Variants in RASA2 observed in about 807,000 individuals in gnomAD.
The protein encoded by RASA2 is RAS p21 protein activator 2.
In RASA2, 155 loss-of-function variants were observed where a neutral mutation model predicts 118.2. The observed-to-expected ratio is 1.31, with a 90% CI of 1.15 to 1.50. The LOEUF (loss-of-function observed/expected upper bound fraction) is 1.50. RASA2 is among the 40% of genes most tolerant of loss of function. RASA2 has a pLI of 0.00. For missense variants in RASA2, 1,016 were observed against 1,009.6 expected (o/e 1.01, Z -0.09); for synonymous variants, 353 against 349.1 (o/e 1.01, Z -0.12).
At chr3:141,608,725 G>T (rs779565959) in intron 21 of RASA2, 28 bp downstream of exon 21, 1 of 1,586,236 alleles carries the variant, frequency 6.3e-7, no homozygotes, top group Non-Finnish European at 8.7e-7. Flanking sequence ...TATAAAAGCA[G>T]TGTGTCAAAA....
At chr3:141,605,574 A>G (rs898585789) in intron 19 of RASA2, among the ~76,000 whole-genome samples, 1 of 152,224 alleles carries the variant, frequency 6.6e-6, no homozygotes, top group Non-Finnish European at 1.5e-5. Flanking sequence ...CAACAAATCT[A>G]AAGATAGAAA....
intron 4 of RASA2, among the ~76,000 whole-genome samples, chr3:141,535,102 A>G (rs2082309029): frequency 6.6e-6 from 1 of 152,182 alleles, no homozygotes; most frequent in Non-Finnish European, 1.5e-5. Flanking sequence ...AAGCAAATCT[A>G]TCTGCCTCAT....
At chr3:141,525,362 A>G (rs1029664650) in intron 3 of RASA2, 1 of 151,542 alleles carries the variant, frequency 6.6e-6, no homozygotes, top group African/African-American at 2.4e-5. Context: ...CCCAGGCTGG[A>G]CTTGAACTCC....
intron 9 of RASA2, among the ~76,000 whole-genome samples, chr3:141,561,512 A>G (rs2082729584): frequency 1.3e-5 from 2 of 152,262 alleles, no homozygotes. Context: ...AAATAGGAAC[A>G]TCTGGTAATT....
chr3:141,545,257 A>G (rs1456540357), intron 5 of RASA2, among the ~76,000 whole-genome samples: 1 of 152,116 alleles, frequency 6.6e-6, no homozygotes, highest in Non-Finnish European at 1.5e-5. Context: ...CCATTCTCAC[A>G]TTGCTATAAA....
chr3:141,584,198 G>A (rs1384086590), intron 17 of RASA2, among the ~76,000 whole-genome samples: 1 of 151,892 alleles, frequency 6.6e-6, no homozygotes, highest in Non-Finnish European at 1.5e-5. Context: ...GGGCATGGTG[G>A]CAGGCGCCGG....
Position 141,565,817 on chromosome 3 carries a change from C to T in RASA2, c.864-5095C>T, listed in dbSNP as rs59162381. Among the ~76,000 whole-genome samples, 1,455 of 152,324 alleles carry T rather than the reference C, an allele frequency of 9.6e-3. 18 individuals carry two copies. Among genetic ancestry groups the T allele is most frequent in the African/African-American group, 0.033 (1,378 of 41,564 alleles). ...CTTCTGAGTCACCTTTGCTAACAGG[C>T]TTGTTTCTAATTATTTCATTGACCA... On this transcript the variant is annotated intron_variant, in intron 9 of 23. Coordinates refer to ENST00000286364, the MANE Select transcript of RASA2 (RefSeq NM_006506.5).
intron 19 of RASA2, 46 bp downstream of exon 19, chr3:141,586,798 T>G: frequency 6.7e-7 from 1 of 1,482,448 alleles, no homozygotes; most frequent in Non-Finnish European, 9.4e-7. Context: ...TGGTTCTCAG[T>G]GAAGGTTTCT....
chr3:141,575,847 T>G (rs1351575656), intron 14 of RASA2, among the ~76,000 whole-genome samples: 1 of 152,134 alleles, frequency 6.6e-6, no homozygotes, highest in African/African-American at 2.4e-5. Flanking sequence ...CAGACTGGAG[T>G]GCAATGGCAC....
intron 3 of RASA2, among the ~76,000 whole-genome samples, chr3:141,526,806 C>T (rs2082191590): frequency 6.6e-6 from 1 of 152,156 alleles, no homozygotes; most frequent in Non-Finnish European, 1.5e-5. Flanking sequence ...TGCAGCTAGT[C>T]AGAGAAGGGT....
At chr3:141,536,235 A>C (rs981300771) in intron 4 of RASA2, among the ~76,000 whole-genome samples, 1 of 152,202 alleles carries the variant, frequency 6.6e-6, no homozygotes, top group African/African-American at 2.4e-5. Flanking sequence ...CACTTCTTAC[A>C]TGGCAGTGGC....
chr3:141,605,527 A>G (rs2083533941), intron 19 of RASA2, among the ~76,000 whole-genome samples: 1 of 152,202 alleles, frequency 6.6e-6, no homozygotes, highest in South Asian at 2.1e-4. Context: ...ATGAATAAAT[A>G]TAGCAATTTT....
rs577666544 is a variant in RASA2 at position 141,492,789 on chromosome 3, G to A, written c.133+5573G>A. ...TATTTAAGATTTATTAGATAAGAGC[G>A]TTTGAATTCTAAATTTTTTTTCTGT... On this transcript the variant is annotated intron_variant, in intron 1 of 23. Transcript: ENST00000286364. Among the ~76,000 whole-genome samples, 50 of 152,286 alleles carry A rather than the reference G, an allele frequency of 3.3e-4. No homozygotes were observed. In the South Asian group the frequency reaches 9.5e-3, roughly 29 times the overall value.
intron 23 of RASA2, among the ~76,000 whole-genome samples, chr3:141,610,891 A>G (rs970424832): frequency 1.3e-5 from 2 of 152,048 alleles, no homozygotes; most frequent in African/African-American, 2.4e-5. Context: ...TCTACAGTAC[A>G]TAATAAGAAT....
At chr3:141,584,546 C>T (rs1311234059) in intron 17 of RASA2, among the ~76,000 whole-genome samples, 1 of 151,998 alleles carries the variant, frequency 6.6e-6, no homozygotes. Context: ...GATTAGATTT[C>T]GATTATCCCA....
intron 4 of RASA2, among the ~76,000 whole-genome samples, chr3:141,530,237 G>A (rs1158292257): frequency 6.6e-6 from 1 of 152,018 alleles, no homozygotes; most frequent in Non-Finnish European, 1.5e-5. Context: ...CCCTGCCTGA[G>A]CCCACTGTGC....
intron 22 of RASA2, 93 bp downstream of exon 22, chr3:141,609,616 A>T (rs920178988): frequency 9.9e-7 from 1 of 1,008,438 alleles, no homozygotes; most frequent in Non-Finnish European, 1.4e-6. Context: ...GAAAATACTC[A>T]TAGATTTACC....
intron 9 of RASA2, among the ~76,000 whole-genome samples, chr3:141,569,775 C>T (rs1028708196): frequency 6.6e-6 from 1 of 151,976 alleles, no homozygotes; most frequent in Non-Finnish European, 1.5e-5. Flanking sequence ...TCAATCCCTA[C>T]CCCCCTATCT....
At chr3:141,491,378 A>G (rs982503987) in intron 1 of RASA2, among the ~76,000 whole-genome samples, 5 of 152,118 alleles carry the variant, frequency 3.3e-5, no homozygotes, top group Non-Finnish European at 7.4e-5. Flanking sequence ...TTCCTTGCTC[A>G]TTTCCTTATT....
Sources: allele counts gnomAD v4.1 joint callset (sites outside exome capture counted in the v4.1 genomes callset), GRCh38; gene constraint gnomAD v4.1.1; transcripts MANE v1.5; gene names NCBI Gene and HGNC (gene_info 2026-07-23, HGNC 2026-07-21).